Variants in SORCS2 observed in about 807,000 individuals in gnomAD.
The protein encoded by SORCS2 is VPS10 domain-containing receptor SorCS2.
A neutral mutation model predicts 141.6 loss-of-function variants in SORCS2; 100 were observed. The ratio of observed to expected loss-of-function variants is 0.71; its 90% CI spans 0.60 to 0.83. The LOEUF (loss-of-function observed/expected upper bound fraction) is 0.83. Among genes scored for constraint, SORCS2 ranks in the 40% least tolerant of loss-of-function variants. SORCS2 has a pLI of 0.00. For synonymous variants in SORCS2, 789 were observed against 676.9 expected, an observed-to-expected ratio of 1.17 and a Z score of -2.57; for missense variants, 1,646 against 1,560.2, an observed-to-expected ratio of 1.05 and a Z score of -0.93.
intron 3 of SORCS2, among the ~76,000 whole-genome samples, chr4:7,626,892 G>A (rs546726334): frequency 1.3e-5 from 2 of 152,134 alleles, no homozygotes; most frequent in Non-Finnish European, 2.9e-5. Context: ...TCGAGTCCCA[G>A]TATGGTACTG....
intron 2 of SORCS2, among the ~76,000 whole-genome samples, chr4:7,445,303 G>T (rs1265532020): frequency 3.9e-5 from 6 of 152,188 alleles, no homozygotes; most frequent in Non-Finnish European, 5.9e-5. Context: ...GGTGTTTGAG[G>T]TTCTGAGGTT....
Position 7,193,163 on chromosome 4 carries a change from CG to C in SORCS2, c.480+40del. ...CCACGCGCTCGCCGCGGCCCCTACC[CG>C]GGACACCGCGGGACACCCGGGCGGG... is the stretch of plus-strand genomic sequence containing the variant. On this transcript the variant is annotated intron_variant, in intron 1 of 26. Coordinates refer to ENST00000507866, the MANE Select transcript of SORCS2 (RefSeq NM_020777.3). This position sits in a 1 kb window ranked among gnomAD's most constrained non-coding sequence, Gnocchi z 4.8. 6.9e-7 allele frequency: 1 copy of C among 1,447,300 alleles called. No homozygotes were observed. The highest frequency in any genetic ancestry group is 2.9e-5 in the East Asian group (1 of 35,086). The allele number at this position is 1,447,300 out of a possible 1,614,324, so 89.7% of individuals were successfully genotyped here. A position where few individuals can be genotyped will look rare whatever the true frequency, so the allele number is the denominator to read the frequency against.
chr4:7,453,885 T>A (rs1259053737), intron 2 of SORCS2, among the ~76,000 whole-genome samples: 12 of 127,770 alleles, frequency 9.4e-5, no homozygotes, highest in Admixed American at 8.0e-5. Flanking sequence ...TGTGTTGGGG[T>A]CAGGAGGTGT....
Position 7,686,027 on chromosome 4 carries a change from G to T in SORCS2, c.1488+3138G>T, listed in dbSNP as rs1231285169. Among the ~76,000 whole-genome samples, 3 of 152,178 alleles carry T rather than the reference G, an allele frequency of 2.0e-5. No homozygotes were observed. In the South Asian group the frequency reaches 6.2e-4, roughly 32 times the overall value. On this transcript the variant is annotated intron_variant, in intron 10 of 26. Transcript: ENST00000507866. ...TTACAATCTTTTCGCTCATACACAC[G>T]TTATGAAGTTGTCATTGGGATCCCA...
chr4:7,423,759 T>G (rs1726242974), intron 2 of SORCS2, among the ~76,000 whole-genome samples: 1 of 152,168 alleles, frequency 6.6e-6, no homozygotes, highest in Non-Finnish European at 1.5e-5. Context: ...TTCTTCAGCT[T>G]GTTTCTTTAG....
chr4:7,406,143 G>C (rs984377069), intron 2 of SORCS2, among the ~76,000 whole-genome samples: 2 of 151,966 alleles, frequency 1.3e-5, no homozygotes, highest in Admixed American at 6.6e-5. Flanking sequence ...GGTTCAGTTT[G>C]CTAGTGTTGT....
At position 7,200,831 on chromosome 4, in the gene SORCS2, G is replaced by T. The variant is rs1246081364; in HGVS notation, c.480+7705G>T. 5.3e-5 allele frequency among the ~76,000 whole-genome samples: 8 copies of T among 152,176 alleles called. No individual in the cohort carries two copies. In the South Asian group the frequency reaches 6.2e-4, roughly 12 times the overall value. ...GGGGCCACACACTCCATGGATGGGGGCCTGGCCAGCAGAGCCACCAATGTC... is the reference window on the plus strand; with the variant it reads ...GGGGCCACACACTCCATGGATGGGGTCCTGGCCAGCAGAGCCACCAATGTC... On this transcript the variant is annotated intron_variant, in intron 1 of 26. Transcript: ENST00000507866.
At chr4:7,412,169 T>G (rs574290881) in intron 2 of SORCS2, among the ~76,000 whole-genome samples, 1 of 152,296 alleles carries the variant, frequency 6.6e-6, no homozygotes, top group East Asian at 1.9e-4. Flanking sequence ...CCGGAGTGTG[T>G]CACGGCCCAT....
rs1238000469 is a variant in SORCS2 at position 7,691,977 on chromosome 4, T to C, written c.1591+2389T>C. ...TCTGTGGGGGTGTCAGTCACAGCCT[T>C]CCTCCCTCCCTGCTTGCCCCCCACT... On this transcript the variant is annotated intron_variant, in intron 11 of 26. Transcript: ENST00000507866. Among the ~76,000 whole-genome samples, 3 of 151,136 alleles carry C rather than the reference T, an allele frequency of 2.0e-5. 1 individual carries two copies.
At chr4:7,289,965 G>A (rs2108875520) in intron 1 of SORCS2, among the ~76,000 whole-genome samples, 1 of 152,280 alleles carries the variant, frequency 6.6e-6, no homozygotes, top group East Asian at 1.9e-4. Flanking sequence ...CCTTCCGATT[G>A]CCTGAAAAGC....
At chr4:7,600,192 A>C (rs1717564729) in intron 3 of SORCS2, among the ~76,000 whole-genome samples, 1 of 152,086 alleles carries the variant, frequency 6.6e-6, no homozygotes, top group Non-Finnish European at 1.5e-5. Context: ...TTAGCTTCTA[A>C]TTTGATCAAA....
chr4:7,261,083 G>T (rs1165117463), intron 1 of SORCS2, among the ~76,000 whole-genome samples: 1 of 152,228 alleles, frequency 6.6e-6, no homozygotes, highest in Non-Finnish European at 1.5e-5. Context: ...GGTCATGCTG[G>T]CTTTCCCCTG....
chr4:7,197,748 C>G (rs535200795), intron 1 of SORCS2, among the ~76,000 whole-genome samples: 1 of 152,216 alleles, frequency 6.6e-6, no homozygotes, highest in African/African-American at 2.4e-5. Flanking sequence ...CCGATGGACC[C>G]CAGATGTGAG....
Position 7,729,502 on chromosome 4 carries a change from G to C in SORCS2, c.2983-85G>C, listed in dbSNP as rs1168512334. Reference sequence around the variant, plus strand: ...TGAGACAGGTGTACAGGCCAAGAAGGGAGAGAGGGTGTTCCTGGGGGCCCC... The same window carrying C: ...TGAGACAGGTGTACAGGCCAAGAAGCGAGAGAGGGTGTTCCTGGGGGCCCC... On this transcript the variant is annotated intron_variant, in intron 22 of 26. Coordinates refer to ENST00000507866, the MANE Select transcript of SORCS2 (RefSeq NM_020777.3). 8 of 1,495,194 alleles carry C rather than the reference G, an allele frequency of 5.4e-6. 1 individual carries two copies. The Admixed American group carries it at 1.6e-4, about 31-fold the overall frequency. 92.6% of individuals were successfully genotyped at this position (1,495,194 alleles called of 1,614,324 possible). A position where few individuals can be genotyped will look rare whatever the true frequency, so the allele number is the denominator to read the frequency against.
At chr4:7,694,511 T>C (rs1263952262) in intron 11 of SORCS2, among the ~76,000 whole-genome samples, 1 of 152,038 alleles carries the variant, frequency 6.6e-6, no homozygotes, top group Admixed American at 6.6e-5. Context: ...GACAGACGTG[T>C]GCACATTTGA....
intron 5 of SORCS2, among the ~76,000 whole-genome samples, chr4:7,655,291 G>C (rs1252657749): frequency 2.0e-5 from 3 of 152,078 alleles, no homozygotes; most frequent in Admixed American, 1.3e-4. Context: ...CTCCTGCGCA[G>C]GCCACAGCCT....
chr4:7,530,885 C>A (rs926438441), intron 2 of SORCS2, among the ~76,000 whole-genome samples: 14 of 152,196 alleles, frequency 9.2e-5, no homozygotes, highest in Admixed American at 7.2e-4. Flanking sequence ...CAGCACGAGT[C>A]CAGCAGATGC....
At chr4:7,269,857 A>G (rs1290165726) in intron 1 of SORCS2, among the ~76,000 whole-genome samples, 1 of 152,208 alleles carries the variant, frequency 6.6e-6, no homozygotes, top group Non-Finnish European at 1.5e-5. Flanking sequence ...CAGCCTGGGA[A>G]ATGAATATGA....
At chr4:7,456,066 C>T (rs1206179397) in intron 2 of SORCS2, among the ~76,000 whole-genome samples, 5 of 152,144 alleles carry the variant, frequency 3.3e-5, no homozygotes, top group African/African-American at 9.7e-5. Context: ...TGCAGATGGC[C>T]GCTATCTCCC....
Sources: allele counts gnomAD v4.1 joint callset (sites outside exome capture counted in the v4.1 genomes callset), GRCh38; gene constraint gnomAD v4.1.1; non-coding constraint Gnocchi (gnomAD v3.1); transcripts MANE v1.5; gene names NCBI Gene and HGNC (gene_info 2026-07-23, HGNC 2026-07-21).